The following NRG3 variants were observed in gnomAD, a reference collection of about 807,000 sequenced individuals.
The protein encoded by NRG3 is neuregulin 3.
Under a neutral mutation model 66.9 loss-of-function variants are expected in NRG3, and 31 were observed. The ratio of observed to expected loss-of-function variants is 0.46; its 90% CI spans 0.35 to 0.63. The LOEUF is 0.63. NRG3 is among the 20% of genes least tolerant of loss of function. The probability of loss-of-function intolerance (pLI) is 0.00; values close to 1 mark genes in which losing one functional copy is unlikely to be tolerated. For synonymous variants in NRG3, 393 were observed against 359.4 expected, an observed-to-expected ratio of 1.09 and a Z score of -1.06; for missense variants, 910 against 878.9, an observed-to-expected ratio of 1.04 and a Z score of -0.45.
chr10:82,428,229 G>A (rs1013746562), intron 2 of NRG3, among the ~76,000 whole-genome samples: 21 of 151,398 alleles, frequency 1.4e-4, no homozygotes, highest in Non-Finnish European at 8.9e-5. Flanking sequence ...CTTTTCTTCT[G>A]CTTATTTAGT....
chr10:82,918,227 T>C (rs1846076430), intron 4 of NRG3, among the ~76,000 whole-genome samples: 1 of 152,020 alleles, frequency 6.6e-6, no homozygotes, highest in Admixed American at 6.6e-5. Context: ...ACTTATCATT[T>C]CCATATTTTA....
At chr10:82,811,785 C>G (rs190722363) in intron 3 of NRG3, among the ~76,000 whole-genome samples, 1 of 152,356 alleles carries the variant, frequency 6.6e-6, no homozygotes, top group East Asian at 1.9e-4. Flanking sequence ...CCTTCCCTGC[C>G]ATGGAGCTGC....
At chr10:82,123,277 T>C (rs1468383215) in intron 1 of NRG3, among the ~76,000 whole-genome samples, 1 of 152,194 alleles carries the variant, frequency 6.6e-6, no homozygotes, top group Non-Finnish European at 1.5e-5. Context: ...ATTTTTCCCC[T>C]GAACTTCAGA....
chr10:82,152,488 G>A (rs2070830591), intron 1 of NRG3, among the ~76,000 whole-genome samples: 3 of 152,092 alleles, frequency 2.0e-5, no homozygotes, highest in South Asian at 4.1e-4. Flanking sequence ...TTCAGGGCTC[G>A]TGTTCTCAGT....
chr10:82,543,058 A>T (rs1325114189), intron 2 of NRG3, among the ~76,000 whole-genome samples: 7 of 152,110 alleles, frequency 4.6e-5, no homozygotes, highest in African/African-American at 1.7e-4. Context: ...TACCCAGCTA[A>T]TTTTTGTATT....
chr10:82,709,294 G>A (rs1267461430), intron 2 of NRG3, among the ~76,000 whole-genome samples: 1 of 152,102 alleles, frequency 6.6e-6, no homozygotes, highest in Non-Finnish European at 1.5e-5. Context: ...TGACTCTAGA[G>A]CTATAATCCC....
At chr10:82,144,801 G>A (rs569169913) in intron 1 of NRG3, among the ~76,000 whole-genome samples, 1 of 152,278 alleles carries the variant, frequency 6.6e-6, no homozygotes, top group South Asian at 2.1e-4. Context: ...GTTTCCTCCT[G>A]TATAAAAAGG....
chr10:82,505,543 T>A (rs748374575), intron 2 of NRG3, among the ~76,000 whole-genome samples: 3 of 152,224 alleles, frequency 2.0e-5, no homozygotes, highest in Non-Finnish European at 4.4e-5. Context: ...GTTAGGGCTC[T>A]GTCACTCACT....
chr10:82,904,758 G>A (rs1300205657), intron 4 of NRG3, among the ~76,000 whole-genome samples: 1 of 152,006 alleles, frequency 6.6e-6, no homozygotes, highest in Non-Finnish European at 1.5e-5. Context: ...AAAAGTAGAT[G>A]GGGAAATGAT....
chr10:82,821,028 C>G (rs2135572054), intron 3 of NRG3, among the ~76,000 whole-genome samples: 1 of 152,284 alleles, frequency 6.6e-6, no homozygotes, highest in African/African-American at 2.4e-5. Flanking sequence ...GACTGAATAT[C>G]TTAAAAATGG....
chr10:82,109,696 C>T (rs1382681894), intron 1 of NRG3, among the ~76,000 whole-genome samples: 1 of 152,038 alleles, frequency 6.6e-6, no homozygotes, highest in African/African-American at 2.4e-5. Flanking sequence ...ACTTTCTCTT[C>T]AATTAATAAT....
Position 81,875,559 on chromosome 10 carries a change from C to T in NRG3, c.219C>T (p.Phe73=). ...CGTGGCTGTGCGTGGTACCTCTGTT[C>T]ATCGGCTTCATCGGCCTGGGGCTCA... The part of the protein sequence containing the change: ...QQTWLCVVPL[F]IGFIGLGLSL... The change falls in exon 1 of 9, where the codon TTC becomes TTT. Residue 73 remains phenylalanine, a synonymous_variant. Transcript: ENST00000372141. The surrounding 1 kb of genome is among the most constrained non-coding windows in gnomAD (Gnocchi z 5.3). The T allele has an allele frequency of 6.2e-7, 1 of 1,613,264 alleles. No individual in the cohort carries two copies. The highest frequency in any genetic ancestry group is 8.5e-7 in the Non-Finnish European group (1 of 1,179,886).
chr10:82,232,414 A>G, intron 1 of NRG3: 1 of 197,460 alleles, frequency 5.1e-6, no homozygotes, highest in South Asian at 1.5e-4. Context: ...ATATGACAAA[A>G]TCCTGTATGT....
chr10:82,148,693 T>C (rs1014470630), intron 1 of NRG3, among the ~76,000 whole-genome samples: 2 of 152,162 alleles, frequency 1.3e-5, no homozygotes, highest in Admixed American at 6.5e-5. Flanking sequence ...TCCTGGGTCG[T>C]ATTGATGATA....
At chr10:82,203,749 C>A (rs1212533736) in intron 1 of NRG3, among the ~76,000 whole-genome samples, 1 of 152,026 alleles carries the variant, frequency 6.6e-6, no homozygotes, top group Non-Finnish European at 1.5e-5. Context: ...TCACATAAAT[C>A]AAAAACAGGA....
intron 1 of NRG3, among the ~76,000 whole-genome samples, chr10:81,969,830 T>C (rs566515641): frequency 4.6e-5 from 7 of 152,248 alleles, no homozygotes; most frequent in Admixed American, 3.9e-4. Flanking sequence ...TATCTGTGCA[T>C]GTATTTACAA....
At chr10:81,988,465 TATTGCTAATGCCTAC>T (rs1272507683) in intron 1 of NRG3, among the ~76,000 whole-genome samples, 1 of 152,198 alleles carries the variant, frequency 6.6e-6, no homozygotes, top group Non-Finnish European at 1.5e-5. Context: ...TTGTTATTAT[TATTGCTAATGCCTAC>T]CTATTTTCCC....
chr10:81,955,350 G>A (rs1429683050), intron 1 of NRG3, among the ~76,000 whole-genome samples: 2 of 151,982 alleles, frequency 1.3e-5, no homozygotes, highest in Admixed American at 6.6e-5. Flanking sequence ...TGATGTCCCA[G>A]TTTGAAGGCC....
intron 4 of NRG3, 86 bp from the exon 5 acceptor site, chr10:82,951,383 C>T (rs1849500448): frequency 9.6e-7 from 1 of 1,044,164 alleles, no homozygotes; most frequent in Non-Finnish European, 1.5e-6. Context: ...TTGAAAGACT[C>T]CTACCAGCTC....
Sources: gnomAD v4.1 joint callset for allele counts (sites outside exome capture counted in the v4.1 genomes callset) on GRCh38, gnomAD v4.1.1 for gene constraint, Gnocchi (gnomAD v3.1) non-coding constraint, MANE v1.5 for transcripts, NCBI Gene and HGNC (gene_info 2026-07-23, HGNC 2026-07-21) for gene names.